SLC35F1: variants seen among roughly 807,000 people sequenced by gnomAD.
SLC35F1 encodes chromosome 6 open reading frame 169.
A neutral mutation model predicts 48.7 loss-of-function variants in SLC35F1; 14 were observed. The observed-to-expected ratio is 0.29, with a 90% CI of 0.19 to 0.45. SLC35F1 has a LOEUF of 0.45. SLC35F1 is among the 20% of genes least tolerant of loss of function. The pLI, the probability that SLC35F1 is intolerant of heterozygous loss-of-function variation, is 1.00. For synonymous variants in SLC35F1, 190 were observed against 202.2 expected (o/e 0.94, Z 0.51); for missense variants, 404 against 500.0 (o/e 0.81, Z 1.83).
At chr6:117,968,379 A>G (rs968066396) in intron 1 of SLC35F1, among the ~76,000 whole-genome samples, 2 of 152,122 alleles carry the variant, frequency 1.3e-5, no homozygotes, top group Non-Finnish European at 2.9e-5. Context: ...GAATCGTACC[A>G]TTTCAGGGAA....
chr6:118,291,574 A>G (rs1219177574), intron 7 of SLC35F1, among the ~76,000 whole-genome samples: 1 of 152,172 alleles, frequency 6.6e-6, no homozygotes, highest in African/African-American at 2.4e-5. Context: ...AAATTTATCT[A>G]TTTGGTTAAA....
At chr6:118,226,759 T>C (rs567476572) in intron 2 of SLC35F1, among the ~76,000 whole-genome samples, 2 of 152,114 alleles carry the variant, frequency 1.3e-5, no homozygotes, top group African/African-American at 2.4e-5. Context: ...GGTACAAATA[T>C]ATACTTAAGA....
In SLC35F1 at chr6:117,922,660, T is replaced by A. The variant is rs79968687; in HGVS notation, c.173+14761T>A. Among the ~76,000 whole-genome samples, 322 of 152,352 alleles carry A rather than the reference T, an allele frequency of 2.1e-3. 2 individuals are homozygous for A. The highest frequency in any genetic ancestry group is 7.4e-3 in the African/African-American group (306 of 41,592). On this transcript the variant is annotated intron_variant, in intron 1 of 7. Transcript: ENST00000360388. ...TCACAGAGAAGGATGGGAGCATTAC[T>A]TGAAGGCATCTTTAGAACATGGGAC...
At chr6:118,265,075 GCTTACTATT>G (rs1300947855) in intron 3 of SLC35F1, among the ~76,000 whole-genome samples, 1 of 152,200 alleles carries the variant, frequency 6.6e-6, no homozygotes, top group Non-Finnish European at 1.5e-5. Flanking sequence ...CTCAGGGATA[GCTTACTATT>G]CTGAGTGCTT....
intron 6 of SLC35F1, among the ~76,000 whole-genome samples, chr6:118,278,323 GC>G (rs1426601838): frequency 1.3e-5 from 2 of 152,182 alleles, no homozygotes; most frequent in Non-Finnish European, 2.9e-5. Flanking sequence ...CAGGGAGGGG[GC>G]TACAGACTCT....
At chr6:118,134,702 G>A (rs978236490) in intron 1 of SLC35F1, among the ~76,000 whole-genome samples, 1 of 152,140 alleles carries the variant, frequency 6.6e-6, no homozygotes, top group African/African-American at 2.4e-5. Flanking sequence ...CTTTTTAGGG[G>A]CATGGAGCCA....
intron 1 of SLC35F1, among the ~76,000 whole-genome samples, chr6:118,127,376 G>T (rs866057580): frequency 1.8e-4 from 27 of 151,930 alleles, no homozygotes; most frequent in African/African-American, 5.5e-4. Flanking sequence ...TGCTGGATTC[G>T]GTTTGCCAGT....
chr6:118,042,975 G>T (rs537081240), intron 1 of SLC35F1, among the ~76,000 whole-genome samples: 4 of 152,266 alleles, frequency 2.6e-5, no homozygotes, highest in African/African-American at 9.6e-5. Flanking sequence ...GGAAATTCCT[G>T]CAGCGCACCC....
At chr6:118,277,423 GA>G (rs1188278298) in intron 5 of SLC35F1, 70 bp from the exon 6 acceptor site, 156 of 1,368,810 alleles carry the variant, frequency 1.1e-4, no homozygotes, top group South Asian at 8.0e-4. Context: ...AAGTGGGGGG[GA>G]AAAAAGAAAG....
intron 1 of SLC35F1, among the ~76,000 whole-genome samples, chr6:118,087,374 T>TG (rs146161114): frequency 0.011 from 1,726 of 152,264 alleles, 25 homozygotes; most frequent in African/African-American, 0.038. Context: ...TCTGAGGTAC[T>TG]GGGGGGCTAG....
chr6:118,169,364 T>C (rs1774366315), intron 2 of SLC35F1, among the ~76,000 whole-genome samples: 1 of 152,152 alleles, frequency 6.6e-6, no homozygotes, highest in Non-Finnish European at 1.5e-5. Context: ...ATATCTCCCA[T>C]ATATCTATGC....
At chr6:117,920,919 T>C (rs1440515970) in intron 1 of SLC35F1, among the ~76,000 whole-genome samples, 2 of 152,118 alleles carry the variant, frequency 1.3e-5, no homozygotes, top group Non-Finnish European at 2.9e-5. Context: ...ATGGGGGATA[T>C]ATAAATATTT....
intron 4 of SLC35F1, among the ~76,000 whole-genome samples, chr6:118,268,906 G>A (rs1254601713): frequency 3.9e-5 from 6 of 152,148 alleles, no homozygotes; most frequent in Non-Finnish European, 5.9e-5. Flanking sequence ...CACTGCGGCC[G>A]GCCTAAAGTT....
At chr6:118,297,655 T>A (rs866032923) in intron 7 of SLC35F1, among the ~76,000 whole-genome samples, 14,955 of 138,704 alleles carry the variant, frequency 0.11, 1,370 homozygotes, top group African/African-American at 0.21. Flanking sequence ...ATATATATAA[T>A]ATATATAATA....
At chr6:118,201,220 G>A (rs911083490) in intron 2 of SLC35F1, among the ~76,000 whole-genome samples, 3 of 152,146 alleles carry the variant, frequency 2.0e-5, no homozygotes, top group African/African-American at 7.2e-5. Context: ...GCCAAATTTG[G>A]CAGAAGTGGT....
chr6:118,035,198 A>T, intron 1 of SLC35F1, among the ~76,000 whole-genome samples: 1 of 152,172 alleles, frequency 6.6e-6, no homozygotes, highest in Non-Finnish European at 1.5e-5. Flanking sequence ...TTATCTTTTA[A>T]TGTCTGTAAA....
chr6:118,002,809 A>C (rs1409086542), intron 1 of SLC35F1, among the ~76,000 whole-genome samples: 1 of 151,782 alleles, frequency 6.6e-6, no homozygotes, highest in African/African-American at 2.4e-5. Context: ...GATCAGTAAA[A>C]GTGGAATTAT....
intron 1 of SLC35F1, among the ~76,000 whole-genome samples, chr6:118,125,659 G>A (rs370724745): frequency 1.4e-4 from 22 of 152,250 alleles, no homozygotes; most frequent in Admixed American, 9.8e-4. Context: ...TTCCCAGTGG[G>A]TGGGCAGCCT....
chr6:118,216,065 T>C (rs1775067217), intron 2 of SLC35F1, among the ~76,000 whole-genome samples: 1 of 147,488 alleles, frequency 6.8e-6, no homozygotes, highest in African/African-American at 2.5e-5. Context: ...ATCACTCTAG[T>C]CTTCTTGTTT....
Sources: gnomAD v4.1 joint callset for allele counts (sites outside exome capture counted in the v4.1 genomes callset) on GRCh38, gnomAD v4.1.1 for gene constraint, MANE v1.5 for transcripts, NCBI Gene and HGNC (gene_info 2026-07-23, HGNC 2026-07-21) for gene names.